The following GABRB1 variants were observed in gnomAD, a reference collection of about 807,000 sequenced individuals.
GABRB1 encodes gamma-aminobutyric acid type A receptor subunit beta1.
In GABRB1, 17 loss-of-function variants were observed where a neutral mutation model predicts 51.6. That is an observed-to-expected ratio of 0.33 (90% CI 0.23 to 0.49). GABRB1 has a LOEUF of 0.49. GABRB1 is among the 20% of genes least tolerant of loss of function. The pLI, the probability that GABRB1 is intolerant of heterozygous loss-of-function variation, is 0.99. For synonymous variants in GABRB1, 247 were observed against 218.9 expected, an observed-to-expected ratio of 1.13 and a Z score of -1.14; for missense variants, 410 against 600.6, an observed-to-expected ratio of 0.68 and a Z score of 3.32.
intron 4 of GABRB1, among the ~76,000 whole-genome samples, chr4:47,175,919 T>C (rs1334570794): frequency 6.6e-6 from 1 of 152,202 alleles, no homozygotes; most frequent in Non-Finnish European, 1.5e-5. Flanking sequence ...ATTGTTACAC[T>C]GAAGGTGATT....
intron 3 of GABRB1, among the ~76,000 whole-genome samples, chr4:47,133,865 C>T (rs866743634): frequency 4.6e-5 from 7 of 152,164 alleles, no homozygotes; most frequent in East Asian, 1.9e-4. Flanking sequence ...TTTCTTTCTG[C>T]GATTACTAAA....
intron 4 of GABRB1, among the ~76,000 whole-genome samples, chr4:47,200,556 A>G (rs899344161): frequency 6.6e-6 from 1 of 152,162 alleles, no homozygotes; most frequent in Non-Finnish European, 1.5e-5. Flanking sequence ...TAAAGCCCCA[A>G]AACCAAAAGA....
chr4:47,273,578 G>A (rs969438756), intron 4 of GABRB1, among the ~76,000 whole-genome samples: 3 of 152,190 alleles, frequency 2.0e-5, no homozygotes, highest in East Asian at 1.9e-4. Flanking sequence ...ACCTGAGTTC[G>A]AATCCCACTT....
intron 4 of GABRB1, among the ~76,000 whole-genome samples, chr4:47,305,000 C>G (rs1303471962): frequency 6.6e-6 from 1 of 152,056 alleles, no homozygotes; most frequent in Non-Finnish European, 1.5e-5. Flanking sequence ...AGGCCTCATT[C>G]ATTTATTCTT....
At chr4:47,351,580 C>T (rs1490072993) in intron 5 of GABRB1, among the ~76,000 whole-genome samples, 2 of 117,618 alleles carry the variant, frequency 1.7e-5, no homozygotes, top group African/African-American at 6.5e-5. Flanking sequence ...CCACAACAGT[C>T]CCCGGAGTGT....
chr4:47,123,898 AATATATT>A (rs1317252473), intron 3 of GABRB1, among the ~76,000 whole-genome samples: 1 of 55,020 alleles, frequency 1.8e-5, no homozygotes, highest in African/African-American at 4.8e-5. Context: ...TATAATATAT[AATATATT>A]ATATATTAAT....
intron 3 of GABRB1, among the ~76,000 whole-genome samples, chr4:47,052,296 G>T (rs1726385663): frequency 6.6e-6 from 1 of 152,120 alleles, no homozygotes; most frequent in Non-Finnish European, 1.5e-5. Context: ...GTGAGTTGAG[G>T]CTACTGAGGA....
At chr4:47,417,577 C>T (rs1018604288) in intron 8 of GABRB1, among the ~76,000 whole-genome samples, 8 of 152,140 alleles carry the variant, frequency 5.3e-5, no homozygotes, top group South Asian at 4.1e-4. Flanking sequence ...AAGATGAAGG[C>T]TGGGCTGTTG....
intron 5 of GABRB1, among the ~76,000 whole-genome samples, chr4:47,359,906 G>C (rs1726736403): frequency 1.3e-5 from 2 of 152,054 alleles, no homozygotes; most frequent in South Asian, 4.1e-4. Context: ...AAAGCAGATG[G>C]TGATTTCTTT....
At chr4:47,141,715 A>C (rs933142771) in intron 3 of GABRB1, among the ~76,000 whole-genome samples, 4 of 152,064 alleles carry the variant, frequency 2.6e-5, no homozygotes, top group Non-Finnish European at 5.9e-5. Context: ...GAGAGTGCTT[A>C]GTTTCTTTGA....
intron 4 of GABRB1, among the ~76,000 whole-genome samples, chr4:47,191,091 T>A (rs1042551905): frequency 3.3e-5 from 5 of 152,126 alleles, no homozygotes; most frequent in African/African-American, 1.2e-4. Context: ...AGAATATACC[T>A]ACACAGAAGA....
intron 4 of GABRB1, among the ~76,000 whole-genome samples, chr4:47,294,223 T>C (rs889733848): frequency 6.6e-6 from 1 of 152,186 alleles, no homozygotes; most frequent in African/African-American, 2.4e-5. Context: ...GGTACTGGGT[T>C]CATCTCACTA....
chr4:47,290,515 G>A (rs1224397842), intron 4 of GABRB1, among the ~76,000 whole-genome samples: 1 of 152,190 alleles, frequency 6.6e-6, no homozygotes, highest in African/African-American at 2.4e-5. Flanking sequence ...TTTGGAACTG[G>A]GTAACAGGCA....
intron 3 of GABRB1, among the ~76,000 whole-genome samples, chr4:47,074,056 A>C (rs1727450784): frequency 6.6e-6 from 1 of 152,220 alleles, no homozygotes; most frequent in South Asian, 2.1e-4. Flanking sequence ...AATATGTGTA[A>C]GATAAATACA....
intron 3 of GABRB1, among the ~76,000 whole-genome samples, chr4:47,041,903 T>C (rs1725860974): frequency 6.6e-6 from 1 of 152,050 alleles, no homozygotes; most frequent in South Asian, 2.1e-4. Context: ...CTTCAAATCG[T>C]ATTTTTTCTA....
chr4:47,350,218 T>G (rs4695219), intron 5 of GABRB1, among the ~76,000 whole-genome samples: 34,974 of 56,332 alleles, frequency 0.62, 10,942 homozygotes, highest in East Asian at 0.72. Flanking sequence ...TATATATATA[T>G]AGAGAGAGAG....
chr4:47,163,641 T>C (rs922885514), intron 4 of GABRB1, among the ~76,000 whole-genome samples: 6 of 152,100 alleles, frequency 3.9e-5, no homozygotes, highest in African/African-American at 1.4e-4. Flanking sequence ...CTCAGCATCA[T>C]ACAATATAGT....
chr4:47,298,012 C>T (rs1289452709), intron 4 of GABRB1, among the ~76,000 whole-genome samples: 4 of 152,144 alleles, frequency 2.6e-5, no homozygotes, highest in Non-Finnish European at 4.4e-5. Flanking sequence ...TCAATAGATG[C>T]AGAAAAGGCC....
chr4:47,093,626 A>G (rs1714246768), intron 3 of GABRB1, among the ~76,000 whole-genome samples: 1 of 152,328 alleles, frequency 6.6e-6, no homozygotes, highest in Admixed American at 6.5e-5. Flanking sequence ...GTTACTACTT[A>G]ATCGAAATAG....
Sources: allele counts gnomAD v4.1 joint callset (sites outside exome capture counted in the v4.1 genomes callset), GRCh38; gene constraint gnomAD v4.1.1; transcripts MANE v1.5; gene names NCBI Gene and HGNC (gene_info 2026-07-23, HGNC 2026-07-21).